The following RPTOR variants were observed in gnomAD, a reference collection of about 807,000 sequenced individuals.
RPTOR encodes regulatory associated protein of MTOR complex 1.
RPTOR carries 21 observed loss-of-function variants against 169.9 expected under a neutral mutation model. That is an observed-to-expected ratio of 0.12 (90% CI 0.09 to 0.18). RPTOR has a LOEUF of 0.18. Among genes scored for constraint, RPTOR ranks in the 10% least tolerant of loss-of-function variants. The pLI, the probability that RPTOR is intolerant of heterozygous loss-of-function variation, is 1.00. For missense variants in RPTOR, 1,133 were observed against 1,855.9 expected (o/e 0.61, Z 7.16); for synonymous variants, 732 against 753.2 (o/e 0.97, Z 0.46).
chr17:80,710,673 C>A (rs1445273974), intron 4 of RPTOR, among the ~76,000 whole-genome samples: 2 of 151,482 alleles, frequency 1.3e-5, no homozygotes, highest in African/African-American at 4.9e-5. Flanking sequence ...TACTGTATGA[C>A]CATCTCCTGT....
chr17:80,886,449 C>A (rs940549554), intron 17 of RPTOR, among the ~76,000 whole-genome samples: 19 of 152,178 alleles, frequency 1.2e-4, no homozygotes, highest in African/African-American at 4.1e-4. Flanking sequence ...TTCTTTTGGC[C>A]CCTGCTGAAT....
intron 20 of RPTOR, among the ~76,000 whole-genome samples, chr17:80,900,249 C>G (rs1033695214): frequency 5.1e-4 from 78 of 152,254 alleles, no homozygotes; most frequent in Non-Finnish European, 5.3e-4. Flanking sequence ...GCCAGCAGCT[C>G]TGGCCTGGTG....
At position 80,964,408 on chromosome 17, in the gene RPTOR, C is replaced by CGGCTGCTGCGGCCCCGCAGTGTGAACGTT; in HGVS notation, c.*88_*116dup. On this transcript the variant is annotated 3_prime_UTR_variant, in exon 34 of 34. Transcript: ENST00000306801. ...TGTCACTCGCCGGGGCACGGGGCGTCGGCTGCTGCGGCCCCGCAGTGTGAA... is the reference window on the plus strand; with the variant it reads ...TGTCACTCGCCGGGGCACGGGGCGTCGGCTGCTGCGGCCCCGCAGTGTGAACGTTGGCTGCTGCGGCCCCGCAGTGTGAA... The CGGCTGCTGCGGCCCCGCAGTGTGAACGTT allele has an allele frequency of 7.2e-7, 1 of 1,395,220 alleles. No homozygotes were observed. The highest frequency in any genetic ancestry group is 1.7e-5 in the Admixed American group (1 of 59,132). The allele number at this position is 1,395,220 out of a possible 1,614,324, so 86.4% of individuals were successfully genotyped here. A position where few individuals can be genotyped will look rare whatever the true frequency, so the allele number is the denominator to read the frequency against.
chr17:80,549,726 G>A (rs1266264995), intron 1 of RPTOR, among the ~76,000 whole-genome samples: 2 of 152,216 alleles, frequency 1.3e-5, no homozygotes, highest in Non-Finnish European at 2.9e-5. Flanking sequence ...ATGGAATGAC[G>A]GGTGCTTGAG....
At chr17:80,832,609 G>GCT (rs750048237) in intron 9 of RPTOR, among the ~76,000 whole-genome samples, 7 of 152,186 alleles carry the variant, frequency 4.6e-5, no homozygotes, top group African/African-American at 7.2e-5. Context: ...ACAGAATCGT[G>GCT]CTCTCCTCTG....
chr17:80,722,684 A>T (rs1055408450), intron 4 of RPTOR, among the ~76,000 whole-genome samples: 1 of 151,414 alleles, frequency 6.6e-6, no homozygotes, highest in African/African-American at 2.5e-5. Flanking sequence ...ATAATTTTAA[A>T]TGTACACGAG....
At chr17:80,634,420 CGT>C (rs142811881) in intron 2 of RPTOR, among the ~76,000 whole-genome samples, 7,600 of 37,154 alleles carry the variant, frequency 0.2, 357 homozygotes, top group Non-Finnish European at 0.25. Flanking sequence ...GTGTGCATAC[CGT>C]GTGTGTGTGC....
chr17:80,556,807 A>G (rs896777915), intron 1 of RPTOR, among the ~76,000 whole-genome samples: 4 of 151,424 alleles, frequency 2.6e-5, no homozygotes, highest in African/African-American at 9.7e-5. Flanking sequence ...AACTTAAAAC[A>G]TGCTGGCCAG....
At chr17:80,945,425 T>C in intron 25 of RPTOR, 1 of 324,352 alleles carries the variant, frequency 3.1e-6, no homozygotes, top group South Asian at 4.1e-5. Flanking sequence ...ACCCCATCTC[T>C]ACTAAAAATA....
intron 13 of RPTOR, among the ~76,000 whole-genome samples, chr17:80,858,755 G>T (rs1476233148): frequency 6.6e-6 from 1 of 152,160 alleles, no homozygotes. Context: ...GGCAGGGAGG[G>T]CTGGGAAGAC....
intron 1 of RPTOR, among the ~76,000 whole-genome samples, chr17:80,587,591 C>G (rs1003805615): frequency 6.6e-6 from 1 of 152,138 alleles, no homozygotes; most frequent in Non-Finnish European, 1.5e-5. Context: ...CACACTGTTA[C>G]GCATTTTTAC....
At chr17:80,837,833 C>T in intron 9 of RPTOR, 89 bp from the exon 10 acceptor site, 2 of 1,261,774 alleles carry the variant, frequency 1.6e-6, no homozygotes, top group South Asian at 1.3e-5. Context: ...GCTGCCCAGG[C>T]TCAGCCGGCT....
At chr17:80,931,742 T>TGACAG (rs2068899731) in intron 24 of RPTOR, among the ~76,000 whole-genome samples, 1 of 152,136 alleles carries the variant, frequency 6.6e-6, no homozygotes, top group South Asian at 2.1e-4. Flanking sequence ...ACTGAGAAGG[T>TGACAG]TCCACCCTGA....
intron 17 of RPTOR, 133 bp downstream of exon 17, chr17:80,885,281 C>A: frequency 9.2e-7 from 1 of 1,084,970 alleles, no homozygotes; most frequent in Non-Finnish European, 1.3e-6. Context: ...GAGAGCAGAT[C>A]TTTACATGTT....
At chr17:80,818,605 C>A (rs2143601444) in intron 7 of RPTOR, among the ~76,000 whole-genome samples, 1 of 152,312 alleles carries the variant, frequency 6.6e-6, no homozygotes, top group Non-Finnish European at 1.5e-5. Flanking sequence ...TAGGACCAGG[C>A]CTGCTGGATC....
intron 11 of RPTOR, among the ~76,000 whole-genome samples, chr17:80,853,457 G>A (rs149036336): frequency 0.014 from 2,121 of 152,208 alleles, 60 homozygotes; most frequent in African/African-American, 0.048. Context: ...GTGATGGGGC[G>A]GTCATTTGTT....
chr17:80,897,058 A>G (rs893590756), intron 20 of RPTOR, among the ~76,000 whole-genome samples: 1 of 152,114 alleles, frequency 6.6e-6, no homozygotes, highest in South Asian at 2.1e-4. Flanking sequence ...CGAGGTCAGG[A>G]GATCAAGACC....
chr17:80,634,001 C>G (rs1174108705), intron 2 of RPTOR, among the ~76,000 whole-genome samples: 1 of 152,176 alleles, frequency 6.6e-6, no homozygotes, highest in Non-Finnish European at 1.5e-5. Context: ...TCTCTTTGAA[C>G]TGGCGTGCTA....
intron 1 of RPTOR, chr17:80,602,556 T>C: frequency 3.5e-6 from 2 of 575,620 alleles, no homozygotes; most frequent in Non-Finnish European, 6.6e-6. Context: ...CGATTAGTTC[T>C]CATCCACATT....
Sources: allele counts gnomAD v4.1 joint callset (sites outside exome capture counted in the v4.1 genomes callset), GRCh38; gene constraint gnomAD v4.1.1; transcripts MANE v1.5; gene names NCBI Gene and HGNC (gene_info 2026-07-23, HGNC 2026-07-21).